Variants in EDNRA observed in about 807,000 individuals in gnomAD.
EDNRA encodes endothelin-1 receptor.
EDNRA carries 11 observed loss-of-function variants against 41.4 expected under a neutral mutation model. That is an observed-to-expected ratio of 0.27 (90% CI 0.17 to 0.44). EDNRA has a LOEUF of 0.44. EDNRA is among the 20% of genes least tolerant of loss of function. The pLI, the probability that EDNRA is intolerant of heterozygous loss-of-function variation, is 1.00. For synonymous variants in EDNRA, 172 were observed against 183.0 expected, an observed-to-expected ratio of 0.94 and a Z score of 0.49; for missense variants, 294 against 531.0, an observed-to-expected ratio of 0.55 and a Z score of 4.39.
intron 4 of EDNRA, among the ~76,000 whole-genome samples, chr4:147,535,562 C>T (rs1413280283): frequency 6.6e-6 from 1 of 152,118 alleles, no homozygotes; most frequent in African/African-American, 2.4e-5. Context: ...TTTAGAAGGA[C>T]ATTATTTTTA....
At chr4:147,504,531 T>G (rs1479650339) in intron 2 of EDNRA, among the ~76,000 whole-genome samples, 4 of 152,168 alleles carry the variant, frequency 2.6e-5, no homozygotes, top group Non-Finnish European at 4.4e-5. Context: ...TATTAAAAAT[T>G]TGTAATTTCT....
At chr4:147,517,499 C>G (rs555871213) in intron 2 of EDNRA, among the ~76,000 whole-genome samples, 1 of 152,208 alleles carries the variant, frequency 6.6e-6, no homozygotes, top group East Asian at 1.9e-4. Flanking sequence ...ACCTAATTTC[C>G]TCCTAGCAGC....
chr4:147,511,137 A>G (rs1729906946), intron 2 of EDNRA, among the ~76,000 whole-genome samples: 1 of 152,152 alleles, frequency 6.6e-6, no homozygotes, highest in Non-Finnish European at 1.5e-5. Context: ...TGTGGTTTTA[A>G]TACTCTCGAC....
At chr4:147,525,256 A>T (rs1044844610) in intron 3 of EDNRA, among the ~76,000 whole-genome samples, 1 of 152,248 alleles carries the variant, frequency 6.6e-6, no homozygotes, top group Non-Finnish European at 1.5e-5. Context: ...GAGAGAAAGC[A>T]CATGATTTCT....
intron 2 of EDNRA, among the ~76,000 whole-genome samples, chr4:147,511,826 C>T (rs1457738757): frequency 6.6e-6 from 1 of 152,168 alleles, no homozygotes; most frequent in Non-Finnish European, 1.5e-5. Context: ...GGTTTTGGGA[C>T]TTATTGTCTG....
chr4:147,496,976 G>T (rs113272295), intron 2 of EDNRA, among the ~76,000 whole-genome samples: 2 of 151,874 alleles, frequency 1.3e-5, no homozygotes, highest in African/African-American at 4.8e-5. Flanking sequence ...TGTACATAAT[G>T]ATATCTGTCA....
intron 1 of EDNRA, among the ~76,000 whole-genome samples, chr4:147,482,524 C>A (rs990278956): frequency 4.6e-5 from 7 of 152,222 alleles, no homozygotes; most frequent in African/African-American, 1.7e-4. Flanking sequence ...AAATGAGCTA[C>A]AGACCCACCT....
Position 147,519,763 on chromosome 4 carries a change from G to C in EDNRA, c.421-88G>C, listed in dbSNP as rs1730248550. ...TGAAAAGCACTGTGAATAAAATTTAGAAGTTGGGACGCATAACTAAAACTG... is the reference window on the plus strand; with the variant it reads ...TGAAAAGCACTGTGAATAAAATTTACAAGTTGGGACGCATAACTAAAACTG... On this transcript the variant is annotated intron_variant, in intron 2 of 7. Transcript: ENST00000651419. The surrounding 1 kb of genome is among the most constrained non-coding windows in gnomAD (Gnocchi z 4.1). The C allele has an allele frequency of 6.9e-7, 1 of 1,445,892 alleles. No individual in the cohort carries two copies. The highest frequency in any genetic ancestry group is 1.4e-5 in the African/African-American group (1 of 69,478). The allele number at this position is 1,445,892 out of a possible 1,614,324, so 89.6% of individuals were successfully genotyped here. A position where few individuals can be genotyped will look rare whatever the true frequency, so the allele number is the denominator to read the frequency against.
chr4:147,485,565 T>C, intron 1 of EDNRA, 47 bp from the exon 2 acceptor site: 1 of 1,146,710 alleles, frequency 8.7e-7, no homozygotes, highest in South Asian at 1.6e-5. Context: ...TATGATCTTT[T>C]TGGCAACTGG....
intron 2 of EDNRA, chr4:147,495,345 A>G (rs1177622188): frequency 6.6e-6 from 1 of 152,236 alleles, no homozygotes; most frequent in Non-Finnish European, 1.5e-5. Flanking sequence ...AGACTGTTCA[A>G]AGAAGAAAAT....
intron 7 of EDNRA, among the ~76,000 whole-genome samples, chr4:147,542,159 C>G (rs994519085): frequency 6.6e-6 from 1 of 152,090 alleles, no homozygotes; most frequent in Non-Finnish European, 1.5e-5. Context: ...AACGCTAGGA[C>G]CCCCCCACCA....
intron 2 of EDNRA, among the ~76,000 whole-genome samples, chr4:147,514,245 C>G (rs966470539): frequency 1.3e-5 from 2 of 152,134 alleles, no homozygotes; most frequent in Non-Finnish European, 2.9e-5. Flanking sequence ...CAGTTAGCAA[C>G]AGGTCAATCT....
At chr4:147,500,362 G>A (rs570174613) in intron 2 of EDNRA, among the ~76,000 whole-genome samples, 56 of 152,284 alleles carry the variant, frequency 3.7e-4, no homozygotes, top group African/African-American at 1.3e-3. Flanking sequence ...TTAGGTGTAT[G>A]TGTGTATGCA....
At chr4:147,508,182 A>G (rs997137462) in intron 2 of EDNRA, among the ~76,000 whole-genome samples, 4 of 152,138 alleles carry the variant, frequency 2.6e-5, no homozygotes, top group Non-Finnish European at 1.5e-5. Context: ...TCTGTCACCC[A>G]GGCTGAAGTG....
chr4:147,499,715 A>C (rs1729441230), intron 2 of EDNRA, among the ~76,000 whole-genome samples: 1 of 152,168 alleles, frequency 6.6e-6, no homozygotes, highest in African/African-American at 2.4e-5. Context: ...GTTAAGAAAA[A>C]GAAAAAGGAA....
intron 7 of EDNRA, 95 bp from the exon 8 acceptor site, chr4:147,542,383 A>G: frequency 6.5e-7 from 1 of 1,537,762 alleles, no homozygotes; most frequent in South Asian, 1.2e-5. Flanking sequence ...ATGCGAATGG[A>G]CATTTGCCCC....
Position 147,542,730 on chromosome 4 carries a change from C to A in EDNRA, c.*112C>A. 1 of 1,389,038 alleles carries A rather than the reference C, an allele frequency of 7.2e-7. No homozygotes were observed. The highest frequency in any genetic ancestry group is 9.6e-7 in the Non-Finnish European group (1 of 1,037,330). The allele number at this position is 1,389,038 out of a possible 1,614,324, so 86.0% of individuals were successfully genotyped here. A position where few individuals can be genotyped will look rare whatever the true frequency, so the allele number is the denominator to read the frequency against. ...CTGATCCTTCTTCCTTAATTCACTC[C>A]CACACCCAAGAAGAAATGCTTTCCA... On this transcript the variant is annotated 3_prime_UTR_variant, in exon 8 of 8. Transcript: ENST00000651419.
rs545749942 is a variant in EDNRA at position 147,486,919 on chromosome 4, G to T, written c.420+818G>T. ...TTGCTATTAAAAAAAAAAAAAAAAG[G>T]CTGGGTAATTTATAAAGAAAAGAGA... On this transcript the variant is annotated intron_variant, in intron 2 of 7. Transcript: ENST00000651419. The surrounding 1 kb of genome is among the most constrained non-coding windows in gnomAD (Gnocchi z 4.3). Among the ~76,000 whole-genome samples, 10 of 148,714 alleles carry T rather than the reference G, an allele frequency of 6.7e-5. No individual in the cohort carries two copies. In the East Asian group the frequency reaches 2.0e-3, roughly 29 times the overall value.
chr4:147,486,686 G>A lies in EDNRA; in HGVS notation c.420+585G>A, dbSNP rs1728957823. ...AGCAGGCCACTGTTGACCTTGCTGAGCAGCATTACTAACTAATACCACTTA... is the reference window on the plus strand; with the variant it reads ...AGCAGGCCACTGTTGACCTTGCTGAACAGCATTACTAACTAATACCACTTA... On this transcript the variant is annotated intron_variant, in intron 2 of 7. Coordinates refer to ENST00000651419, the MANE Select transcript of EDNRA (RefSeq NM_001957.4). The surrounding 1 kb of genome is among the most constrained non-coding windows in gnomAD (Gnocchi z 4.3). Among the ~76,000 whole-genome samples, 1 of 152,172 alleles carries A rather than the reference G, an allele frequency of 6.6e-6. No homozygotes were observed. The highest frequency in any genetic ancestry group is 2.1e-4 in the South Asian group (1 of 4,820).
Sources: allele counts gnomAD v4.1 joint callset (sites outside exome capture counted in the v4.1 genomes callset), GRCh38; gene constraint gnomAD v4.1.1; non-coding constraint Gnocchi (gnomAD v3.1); transcripts MANE v1.5; gene names NCBI Gene and HGNC (gene_info 2026-07-23, HGNC 2026-07-21).